Variants in ABCA1 observed in about 807,000 individuals in gnomAD.
The protein encoded by ABCA1 is ATP binding cassette subfamily A member 1.
ABCA1 carries 133 observed loss-of-function variants against 262.5 expected under a neutral mutation model. That is an observed-to-expected ratio of 0.51 (90% confidence interval 0.44 to 0.59). The LOEUF (loss-of-function observed/expected upper bound fraction) is 0.59. Among genes scored for constraint, ABCA1 ranks in the 20% least tolerant of loss-of-function variants. The probability of loss-of-function intolerance (pLI) is 0.00; values close to 1 mark genes in which losing one functional copy is unlikely to be tolerated. For missense variants in ABCA1, 2,452 were observed against 2,777.5 expected, an observed-to-expected ratio of 0.88 and a Z score of 2.63; for synonymous variants, 1,022 against 1,043.5, an observed-to-expected ratio of 0.98 and a Z score of 0.40.
intron 6 of ABCA1, among the ~76,000 whole-genome samples, chr9:104,859,111 A>C (rs1225158581): frequency 6.6e-6 from 1 of 152,248 alleles, no homozygotes; most frequent in Non-Finnish European, 1.5e-5. Flanking sequence ...GACTGGGCTG[A>C]AATATGGGGA....
At chr9:104,808,688 C>G (rs1831007357) in intron 30 of ABCA1, among the ~76,000 whole-genome samples, 1 of 152,210 alleles carries the variant, frequency 6.6e-6, no homozygotes, top group African/African-American at 2.4e-5. Context: ...AGTCACCTAT[C>G]TTCCCATTGA....
intron 2 of ABCA1, among the ~76,000 whole-genome samples, chr9:104,898,638 A>G (rs1316935716): frequency 6.6e-6 from 1 of 152,006 alleles, no homozygotes; most frequent in Non-Finnish European, 1.5e-5. Context: ...TTGGCCCTAA[A>G]TGATCTGGTC....
chr9:104,891,822 G>A (rs138405364), intron 2 of ABCA1, among the ~76,000 whole-genome samples: 7,781 of 151,312 alleles, frequency 0.051, 392 homozygotes, highest in African/African-American at 0.12. Context: ...AAAATTAGCC[G>A]GGCGTGGTGG....
At chr9:104,809,616 C>A in intron 29 of ABCA1, 52 bp from the exon 30 acceptor site, 1 of 1,462,824 alleles carries the variant, frequency 6.8e-7, no homozygotes, top group Non-Finnish European at 9.6e-7. Flanking sequence ...AACCAGTAAT[C>A]GAGAGATAAA....
chr9:104,857,966 T>C (rs563437806), intron 7 of ABCA1, among the ~76,000 whole-genome samples: 1 of 152,296 alleles, frequency 6.6e-6, no homozygotes, highest in African/African-American at 2.4e-5. Flanking sequence ...AATGAATGGG[T>C]ATTCTCATAG....
At chr9:104,893,480 G>GA (rs1025250585) in intron 2 of ABCA1, among the ~76,000 whole-genome samples, 2 of 144,128 alleles carry the variant, frequency 1.4e-5, no homozygotes, top group South Asian at 2.2e-4. Context: ...GAAATTAGGG[G>GA]AAAAAAATGA....
At chr9:104,819,343 A>G (rs1832062069) in intron 22 of ABCA1, among the ~76,000 whole-genome samples, 1 of 152,106 alleles carries the variant, frequency 6.6e-6, no homozygotes, top group South Asian at 2.1e-4. Flanking sequence ...GCTTCCATTC[A>G]TTTAAGCATC....
intron 29 of ABCA1, 71 bp downstream of exon 29, chr9:104,810,729 C>T (rs368705920): frequency 1.2e-6 from 2 of 1,611,088 alleles, no homozygotes; most frequent in East Asian, 2.2e-5. Context: ...AAGTCCATTC[C>T]CTTGGCCCTC....
chr9:104,812,467 G>T (rs902824591), intron 28 of ABCA1, 107 bp downstream of exon 28: 4 of 1,423,520 alleles, frequency 2.8e-6, no homozygotes, highest in Non-Finnish European at 2.9e-6. Flanking sequence ...GATAAATCTG[G>T]CTCCGGCATC....
intron 5 of ABCA1, among the ~76,000 whole-genome samples, chr9:104,869,116 G>A (rs903770372): frequency 6.6e-6 from 1 of 152,118 alleles, no homozygotes; most frequent in African/African-American, 2.4e-5. Context: ...GAGCCAGACG[G>A]GGTTACTCTC....
At chr9:104,812,087 A>C (rs997031404) in intron 28 of ABCA1, among the ~76,000 whole-genome samples, 22 of 152,350 alleles carry the variant, frequency 1.4e-4, no homozygotes, top group South Asian at 2.1e-4. Flanking sequence ...ATTCTGACCT[A>C]TCTTTTCTAT....
intron 12 of ABCA1, 68 bp downstream of exon 12, chr9:104,832,506 C>T: frequency 1.9e-6 from 3 of 1,556,648 alleles, no homozygotes; most frequent in Non-Finnish European, 2.7e-6. Context: ...CCTGCCTGAA[C>T]CTTATTGTAA....
intron 18 of ABCA1, 55 bp from the exon 19 acceptor site, chr9:104,822,722 T>G (rs1034059808): frequency 5.6e-6 from 9 of 1,601,222 alleles, no homozygotes; most frequent in Admixed American, 1.7e-5. Context: ...AGGAGTGGAG[T>G]GTAAGGACAC....
intron 5 of ABCA1, among the ~76,000 whole-genome samples, chr9:104,881,412 A>G (rs187791629): frequency 2.0e-3 from 303 of 152,290 alleles, no homozygotes; most frequent in African/African-American, 6.9e-3. Flanking sequence ...GTTAGCTGCT[A>G]TTTTATAGTT....
chr9:104,812,272 C>CA (rs1831343718), intron 28 of ABCA1, among the ~76,000 whole-genome samples: 1 of 152,198 alleles, frequency 6.6e-6, no homozygotes. Flanking sequence ...TATACACACA[C>CA]AAAACTAAGC....
intron 29 of ABCA1, 88 bp from the exon 30 acceptor site, chr9:104,809,652 A>C: frequency 1.7e-6 from 2 of 1,197,320 alleles, no homozygotes; most frequent in South Asian, 1.3e-5. Context: ...TAAACATTTT[A>C]GGAAGCATTT....
At chr9:104,888,835 G>A (rs1296773706) in intron 3 of ABCA1, among the ~76,000 whole-genome samples, 1 of 152,194 alleles carries the variant, frequency 6.6e-6, no homozygotes, top group Non-Finnish European at 1.5e-5. Context: ...AAAATTATCA[G>A]TAAGGTTATT....
At chr9:104,838,727 G>T (rs905592670) in intron 9 of ABCA1, among the ~76,000 whole-genome samples, 2 of 152,012 alleles carry the variant, frequency 1.3e-5, no homozygotes, top group African/African-American at 4.8e-5. Context: ...TATCCAGCAG[G>T]ATCCCTGATT....
chr9:104,821,344 G>A lies in ABCA1; in HGVS notation c.2960+31C>T, dbSNP rs765495247. 5 of 1,612,778 alleles carry A rather than the reference G, an allele frequency of 3.1e-6. No individual in the cohort carries two copies. The East Asian group carries it at 8.9e-5, about 29-fold the overall frequency. ...GCATGACACACACACATCCAGAAAA[G>A]GCCTATTCTTAACGTGCTGCTGGTA... On this transcript the variant is annotated intron_variant, in intron 20 of 49. Transcript: ENST00000374736.
Sources: allele counts gnomAD v4.1 joint callset (sites outside exome capture counted in the v4.1 genomes callset), GRCh38; gene constraint gnomAD v4.1.1; transcripts MANE v1.5; gene names NCBI Gene and HGNC (gene_info 2026-07-23, HGNC 2026-07-21).